IQCK: variants seen among roughly 807,000 people sequenced by gnomAD.
The protein encoded by IQCK is IQ motif containing K.
Under a neutral mutation model 28.1 loss-of-function variants are expected in IQCK, and 29 were observed. That is an observed-to-expected ratio of 1.03 (90% CI 0.77 to 1.41). IQCK has a LOEUF of 1.41. Ranked by LOEUF, IQCK falls within the 40% of genes most tolerant of loss-of-function variation. The pLI, the probability that IQCK is intolerant of heterozygous loss-of-function variation, is 0.00. For synonymous variants in IQCK, 113 were observed against 115.1 expected (o/e 0.98, Z 0.12); for missense variants, 359 against 314.7 (o/e 1.14, Z -1.07).
At chr16:19,736,318 A>G in intron 4 of IQCK, 1 of 377,022 alleles carries the variant, frequency 2.7e-6, no homozygotes, top group Non-Finnish European at 5.2e-6. Flanking sequence ...GCTGGGGTGC[A>G]GTGGCGTAAT....
At position 19,718,279 on chromosome 16, in the gene IQCK, GA is replaced by G. The variant is rs775632978; in HGVS notation, c.-26del. ...TTCTTCCGGGTCGCGGCCTTCCGGCGAACGCGGTTACCGTGGAAACCGCGGC... is the reference window on the plus strand; with the variant it reads ...TTCTTCCGGGTCGCGGCCTTCCGGCGACGCGGTTACCGTGGAAACCGCGGC... On this transcript the variant is annotated 5_prime_UTR_variant, in exon 1 of 8. Coordinates refer to ENST00000564186, the Ensembl canonical transcript of IQCK. 8 of 1,583,284 alleles carry G rather than the reference GA, an allele frequency of 5.1e-6. No individual in the cohort carries two copies. In the Admixed American group the frequency reaches 1.4e-4, roughly 28 times the overall value.
At chr16:19,853,873 G>A (rs907429066) in intron 9 of IQCK, among the ~76,000 whole-genome samples, 1 of 152,150 alleles carries the variant, frequency 6.6e-6, no homozygotes, top group African/African-American at 2.4e-5. Flanking sequence ...AGTGACCCAC[G>A]TGCCTCGGCC....
intron 6 of IQCK, among the ~76,000 whole-genome samples, chr16:19,786,670 C>A: frequency 1.4e-5 from 2 of 142,090 alleles, no homozygotes; most frequent in Admixed American, 6.8e-5. Flanking sequence ...TGTACTCTAG[C>A]CTGGGGGACA....
intron 7 of IQCK, among the ~76,000 whole-genome samples, chr16:19,807,149 C>T (rs988905908): frequency 2.6e-5 from 4 of 152,172 alleles, no homozygotes; most frequent in African/African-American, 7.2e-5. Flanking sequence ...ATGGGGGCAC[C>T]TACATGGCAA....
intron 4 of IQCK, among the ~76,000 whole-genome samples, chr16:19,745,783 CTG>C (rs574964377): frequency 3.7e-4 from 57 of 152,226 alleles, no homozygotes; most frequent in African/African-American, 1.3e-3. Context: ...CAGCTGGTAA[CTG>C]GGCTGGGTTG....
At chr16:19,820,404 C>A (rs2056055234) in intron 7 of IQCK, among the ~76,000 whole-genome samples, 1 of 152,118 alleles carries the variant, frequency 6.6e-6, no homozygotes, top group Admixed American at 6.6e-5. Context: ...AATCCCAGCA[C>A]TTTGGGAGGC....
intron 9 of IQCK, among the ~76,000 whole-genome samples, chr16:19,852,485 G>T (rs1157530245): frequency 6.6e-6 from 1 of 152,040 alleles, no homozygotes. Context: ...CCACTTCTCT[G>T]ACTATCATGA....
intron 6 of IQCK, among the ~76,000 whole-genome samples, chr16:19,781,966 G>A (rs889873740): frequency 1.3e-5 from 2 of 151,976 alleles, no homozygotes; most frequent in African/African-American, 4.8e-5. Context: ...TCCAGCCTGG[G>A]TGACAGAGTG....
In IQCK at chr16:19,724,052, A is replaced by G. The variant is rs80182820; in HGVS notation, c.181+5565A>G. On this transcript the variant is annotated intron_variant, in intron 1 of 7. Coordinates refer to ENST00000564186, the Ensembl canonical transcript of IQCK. ...GTGAGTCTTTGAGTTCTGCATTTTA[A>G]ACAAGCACTTCGGTACCACTGTTGT... Among the ~76,000 whole-genome samples the G allele has an allele frequency of 7.2e-3, 1,090 of 152,114 alleles. 19 individuals carry two copies. Among genetic ancestry groups the G allele is most frequent in the Admixed American group, 0.039 (589 of 15,274 alleles).
chr16:19,848,478 C>T (rs186438051), intron 9 of IQCK, among the ~76,000 whole-genome samples: 7 of 152,296 alleles, frequency 4.6e-5, no homozygotes, highest in Admixed American at 2.0e-4. Context: ...AGATAAGTAA[C>T]GTTCAGATGA....
intron 4 of IQCK, among the ~76,000 whole-genome samples, chr16:19,739,727 A>G (rs1193151112): frequency 6.6e-6 from 1 of 152,172 alleles, no homozygotes; most frequent in Non-Finnish European, 1.5e-5. Context: ...AGGTGGGAGA[A>G]TCACTTGAAC....
intron 1 of IQCK, among the ~76,000 whole-genome samples, chr16:19,729,357 C>T (rs1207912712): frequency 6.6e-6 from 1 of 151,992 alleles, no homozygotes. Context: ...CCACCCTCCT[C>T]GGCCTCCCAA....
chr16:19,784,392 C>T (rs1474438471), intron 6 of IQCK, among the ~76,000 whole-genome samples: 2 of 152,198 alleles, frequency 1.3e-5, no homozygotes, highest in African/African-American at 2.4e-5. Context: ...AACACAGAGT[C>T]CCTTTACCCC....
chr16:19,728,625 G>A (rs1204026652), intron 1 of IQCK, among the ~76,000 whole-genome samples: 1 of 152,192 alleles, frequency 6.6e-6, no homozygotes, highest in Non-Finnish European at 1.5e-5. Flanking sequence ...AACCCTCAGA[G>A]AAGATCACAG....
At chr16:19,830,496 G>T (rs143736572), downstream of IQCK, among the ~76,000 whole-genome samples, 1 of 152,150 alleles carries the variant, frequency 6.6e-6, no homozygotes, top group African/African-American at 2.4e-5. Context: ...GGAGTGAGCC[G>T]TGCTTTCCAA....
intron 6 of IQCK, among the ~76,000 whole-genome samples, chr16:19,769,456 A>G (rs2055288088): frequency 6.6e-6 from 1 of 152,194 alleles, no homozygotes; most frequent in Non-Finnish European, 1.5e-5. Flanking sequence ...GGCTTACTAA[A>G]TGGTGAGTAG....
At chr16:19,840,787 A>G (rs1264866729) in intron 9 of IQCK, among the ~76,000 whole-genome samples, 1 of 152,234 alleles carries the variant, frequency 6.6e-6, no homozygotes, top group Non-Finnish European at 1.5e-5. Context: ...CTCTCTCCTC[A>G]TTAGGCTGCA....
chr16:19,847,587 G>C (rs2056428375), intron 9 of IQCK, among the ~76,000 whole-genome samples: 1 of 152,172 alleles, frequency 6.6e-6, no homozygotes, highest in Non-Finnish European at 1.5e-5. Flanking sequence ...GAACTCCTTT[G>C]TGTCTGGCGT....
intron 1 of IQCK, among the ~76,000 whole-genome samples, chr16:19,726,503 AT>A (rs887028229): frequency 7.0e-4 from 106 of 152,290 alleles, no homozygotes; most frequent in Non-Finnish European, 1.1e-3. Flanking sequence ...TGGATCAATG[AT>A]TTATATAAAG....
Sources: gnomAD v4.1 joint callset for allele counts (sites outside exome capture counted in the v4.1 genomes callset) on GRCh38, gnomAD v4.1.1 for gene constraint, MANE v1.5 for transcripts, NCBI Gene and HGNC (gene_info 2026-07-23, HGNC 2026-07-21) for gene names.